Variants in NEURL1 observed in about 807,000 individuals in gnomAD.
NEURL1 encodes E3 ubiquitin-protein ligase NEURL1.
In NEURL1, 26 loss-of-function variants were observed where a neutral mutation model predicts 41.2. The ratio of observed to expected loss-of-function variants is 0.63; its 90% CI spans 0.46 to 0.87. The LOEUF is 0.87. Ranked by LOEUF, NEURL1 falls within the 40% of genes least tolerant of loss-of-function variation. The pLI is 0.00. For synonymous variants in NEURL1, 400 were observed against 402.3 expected (o/e 0.99, Z 0.07); for missense variants, 761 against 871.1 (o/e 0.87, Z 1.59).
chr10:103,503,602 G>T (rs950154399), intron 1 of NEURL1, among the ~76,000 whole-genome samples: 10 of 152,100 alleles, frequency 6.6e-5, no homozygotes, highest in Non-Finnish European at 1.3e-4. Flanking sequence ...GCCATCAGCC[G>T]TGGGCTAGAC....
At chr10:103,552,410 C>T (rs1157521451) in intron 1 of NEURL1, among the ~76,000 whole-genome samples, 1 of 152,182 alleles carries the variant, frequency 6.6e-6, no homozygotes, top group African/African-American at 2.4e-5. Context: ...GCTTCTGGAA[C>T]ACACCAGCTC....
At chr10:103,560,013 GCA>G in intron 1 of NEURL1, among the ~76,000 whole-genome samples, 1 of 151,594 alleles carries the variant, frequency 6.6e-6, no homozygotes. Flanking sequence ...ACGCACACAT[GCA>G]CACATACACA....
In NEURL1 at chr10:103,508,161, C is replaced by T. The variant is rs374694564; in HGVS notation, c.85+13689C>T. 6.6e-5 allele frequency among the ~76,000 whole-genome samples: 10 copies of T among 152,196 alleles called. No individual in the cohort carries two copies. The highest frequency in any genetic ancestry group is 2.1e-4 in the South Asian group (1 of 4,822). On this transcript the variant is annotated intron_variant, in intron 1 of 5. Coordinates refer to ENST00000369780, the MANE Select transcript of NEURL1 (RefSeq NM_004210.5). This position sits in a 1 kb window ranked among gnomAD's most constrained non-coding sequence, Gnocchi z 4.3. Reference sequence around the variant, plus strand: ...AGAGGAGGAAACGCCTGTTTGTCTCCGCCCCTGGGCTTGGGGACTTCTCAC... The same window carrying T: ...AGAGGAGGAAACGCCTGTTTGTCTCTGCCCCTGGGCTTGGGGACTTCTCAC...
intron 1 of NEURL1, among the ~76,000 whole-genome samples, chr10:103,548,225 A>T (rs2034962241): frequency 6.6e-6 from 1 of 152,234 alleles, no homozygotes; most frequent in Non-Finnish European, 1.5e-5. Flanking sequence ...GCAATCATAC[A>T]TGCAAAGCTT....
intron 1 of NEURL1, among the ~76,000 whole-genome samples, chr10:103,561,111 C>T (rs546780912): frequency 2.2e-4 from 33 of 152,304 alleles, no homozygotes; most frequent in African/African-American, 4.1e-4. Context: ...CCTTGCCACA[C>T]GGGCTTCTCC....
intron 1 of NEURL1, among the ~76,000 whole-genome samples, chr10:103,496,904 A>T (rs1208396188): frequency 6.6e-6 from 1 of 152,162 alleles, no homozygotes; most frequent in Non-Finnish European, 1.5e-5. Flanking sequence ...TTAATCTAAA[A>T]TTTGGAATTG....
chr10:103,528,128 G>C (rs1353937035), intron 1 of NEURL1, among the ~76,000 whole-genome samples: 1 of 152,180 alleles, frequency 6.6e-6, no homozygotes, highest in Non-Finnish European at 1.5e-5. Context: ...GGCTGAGGTG[G>C]GTGGATCACC....
intron 4 of NEURL1, among the ~76,000 whole-genome samples, chr10:103,585,695 A>G (rs1019978819): frequency 8.6e-5 from 13 of 151,992 alleles, no homozygotes; most frequent in African/African-American, 1.7e-4. Context: ...TTAGCGGGGC[A>G]TGGTGGTGGG....
chr10:103,591,470 C>A lies in NEURL1; in HGVS notation c.*1098C>A, dbSNP rs1280096491. 1 of 152,092 alleles carries A rather than the reference C, an allele frequency of 6.6e-6. No individual in the cohort carries two copies. Among genetic ancestry groups the A allele is most frequent in the African/African-American group, 2.4e-5 (1 of 41,338 alleles). The allele number at this position is 152,092 out of a possible 1,614,324, so 9.4% of individuals were successfully genotyped here. On this transcript the variant is annotated 3_prime_UTR_variant, in exon 6 of 6. Coordinates refer to ENST00000369780, the MANE Select transcript of NEURL1 (RefSeq NM_004210.5). ...GTAGGTGAGTTCCCATCCTCTGGGC[C>A]CCTAGAAATGCTGCCTTTGTGTGTG...
At chr10:103,567,829 C>T (rs777689000) in intron 1 of NEURL1, among the ~76,000 whole-genome samples, 5 of 152,180 alleles carry the variant, frequency 3.3e-5, no homozygotes, top group Non-Finnish European at 7.4e-5. Context: ...TATTTGTCAC[C>T]TGTAAATTGG....
Position 103,584,481 on chromosome 10 carries a change from G to T in NEURL1, c.650-55G>T, listed in dbSNP as rs1592242373. The T allele has an allele frequency of 3.3e-6, 4 of 1,206,370 alleles. No individual in the cohort carries two copies. The East Asian group carries it at 9.6e-5, about 29-fold the overall frequency. 74.7% of individuals were successfully genotyped at this position (1,206,370 alleles called of 1,614,324 possible). On this transcript the variant is annotated intron_variant, in intron 3 of 5. Transcript: ENST00000369780. The stretch of plus-strand genomic sequence containing the variant: ...GCGTAGGGACCGGACAGCGGGGCGC[G>T]CCGGGGCCGCCTCCCGAGAGCCCTG...
At chr10:103,500,707 C>T (rs1286822616) in intron 1 of NEURL1, among the ~76,000 whole-genome samples, 1 of 152,224 alleles carries the variant, frequency 6.6e-6, no homozygotes, top group Non-Finnish European at 1.5e-5. Context: ...TTGGAGGAAA[C>T]TTGTGGTTCT....
At chr10:103,568,619 G>T (rs900721293) in intron 1 of NEURL1, among the ~76,000 whole-genome samples, 3 of 151,956 alleles carry the variant, frequency 2.0e-5, no homozygotes, top group Non-Finnish European at 4.4e-5. Context: ...TTGACATAGT[G>T]TACCCCCATG....
At position 103,508,489 on chromosome 10, in the gene NEURL1, A is replaced by G. The variant is rs552411032; in HGVS notation, c.85+14017A>G. On this transcript the variant is annotated intron_variant, in intron 1 of 5. Coordinates refer to ENST00000369780, the MANE Select transcript of NEURL1 (RefSeq NM_004210.5). This position sits in a 1 kb window ranked among gnomAD's most constrained non-coding sequence, Gnocchi z 4.3. Reference sequence around the variant, plus strand: ...GGGACAAAGGCAGACCTTGGACTCAATGGAGTGCCAGCCCTGTCTGGGTGG... The same window carrying G: ...GGGACAAAGGCAGACCTTGGACTCAGTGGAGTGCCAGCCCTGTCTGGGTGG... 1.8e-4 allele frequency among the ~76,000 whole-genome samples: 28 copies of G among 152,286 alleles called. No homozygotes were observed. The South Asian group carries it at 4.6e-3, about 25-fold the overall frequency.
At chr10:103,521,747 A>G (rs1158077012) in intron 1 of NEURL1, among the ~76,000 whole-genome samples, 1 of 152,150 alleles carries the variant, frequency 6.6e-6, no homozygotes, top group East Asian at 1.9e-4. Context: ...TTGGGAGAGT[A>G]GGTGGGAGTG....
chr10:103,573,920 G>C (rs2035601869), intron 3 of NEURL1, among the ~76,000 whole-genome samples: 3 of 152,160 alleles, frequency 2.0e-5, no homozygotes, highest in Admixed American at 2.0e-4. Context: ...AGTGGTGCTG[G>C]TGCTTCTCTC....
chr10:103,495,118 C>T (rs1474506888), intron 1 of NEURL1, among the ~76,000 whole-genome samples: 1 of 152,186 alleles, frequency 6.6e-6, no homozygotes, highest in Non-Finnish European at 1.5e-5. Context: ...CTTTGCTCTT[C>T]ACCTCCCCAG....
At chr10:103,548,447 C>T (rs1564817560) in intron 1 of NEURL1, among the ~76,000 whole-genome samples, 1 of 152,166 alleles carries the variant, frequency 6.6e-6, no homozygotes, top group Non-Finnish European at 1.5e-5. Context: ...CTCGGCCTCC[C>T]GAGCAGCTGG....
intron 1 of NEURL1, among the ~76,000 whole-genome samples, chr10:103,538,687 C>T (rs1368638028): frequency 4.0e-5 from 6 of 149,138 alleles, no homozygotes; most frequent in Non-Finnish European, 7.4e-5. Context: ...CGCTCTGACG[C>T]CCAGGCTGGA....
Sources: allele counts gnomAD v4.1 joint callset (sites outside exome capture counted in the v4.1 genomes callset), GRCh38; gene constraint gnomAD v4.1.1; non-coding constraint Gnocchi (gnomAD v3.1); transcripts MANE v1.5; gene names NCBI Gene and HGNC (gene_info 2026-07-23, HGNC 2026-07-21).